Variants in PIK3C2G observed in about 807,000 individuals in gnomAD.
PIK3C2G encodes the protein phosphatidylinositol-4-phosphate 3-kinase catalytic subunit type 2 gamma.
PIK3C2G carries 168 observed loss-of-function variants against 181.1 expected under a neutral mutation model. The observed-to-expected ratio is 0.93, with a 90% CI of 0.82 to 1.05. The LOEUF is 1.05. Among genes scored for constraint, PIK3C2G ranks in the 50% least tolerant of loss-of-function variants. The pLI is 0.00. For synonymous variants in PIK3C2G, 573 were observed against 592.2 expected, an observed-to-expected ratio of 0.97 and a Z score of 0.47; for missense variants, 1,869 against 1,732.8, an observed-to-expected ratio of 1.08 and a Z score of -1.40.
intron 11 of PIK3C2G, among the ~76,000 whole-genome samples, chr12:18,347,827 GA>G (rs78688889): frequency 3.6e-4 from 51 of 143,096 alleles, no homozygotes; most frequent in African/African-American, 9.0e-4. Flanking sequence ...CAAAAAAAAA[GA>G]AAAAAAAAAT....
chr12:18,546,168 G>A (rs1448704928), intron 25 of PIK3C2G, among the ~76,000 whole-genome samples, 155 bp from the exon 26 acceptor site: 4 of 151,928 alleles, frequency 2.6e-5, no homozygotes, highest in Admixed American at 6.6e-5. Flanking sequence ...GATTAAAAAC[G>A]CACGAACTTA....
At chr12:18,454,190 C>G (rs1947510505) in intron 18 of PIK3C2G, among the ~76,000 whole-genome samples, 1 of 152,052 alleles carries the variant, frequency 6.6e-6, no homozygotes, top group Admixed American at 6.6e-5. Flanking sequence ...AAATAAAAAT[C>G]TCAACACCCT....
upstream of PIK3C2G, among the ~76,000 whole-genome samples, chr12:18,259,720 T>A (rs1409513078): frequency 6.6e-6 from 1 of 150,578 alleles, no homozygotes; most frequent in Non-Finnish European, 1.5e-5. Flanking sequence ...AATGTTAACA[T>A]AATAGACAGG....
At chr12:18,683,673 C>T in the PIK3C2G span, 2 of 1,270,922 alleles carry the variant, frequency 1.6e-6, no homozygotes, top group Non-Finnish European at 2.1e-6. Flanking sequence ...TAATTGGGAG[C>T]ACAGTGTAAA....
At chr12:18,464,014 G>A (rs2135947848) in intron 18 of PIK3C2G, among the ~76,000 whole-genome samples, 1 of 152,162 alleles carries the variant, frequency 6.6e-6, no homozygotes, top group East Asian at 1.9e-4. Flanking sequence ...ACACTTCGCT[G>A]TGTACTGAAT....
the PIK3C2G span, among the ~76,000 whole-genome samples, chr12:18,657,625 T>C: frequency 6.6e-6 from 1 of 152,102 alleles, no homozygotes; most frequent in Non-Finnish European, 1.5e-5. Context: ...GATACAACAA[T>C]GAATACATAC....
intron 13 of PIK3C2G, chr12:18,372,640 C>A (rs1229158865): frequency 6.6e-6 from 1 of 152,132 alleles, no homozygotes; most frequent in Non-Finnish European, 1.5e-5. Flanking sequence ...ATATTTCTAG[C>A]TAGTCACTGA....
At chr12:18,383,319 G>T (rs1053215226) in intron 14 of PIK3C2G, among the ~76,000 whole-genome samples, 1 of 152,186 alleles carries the variant, frequency 6.6e-6, no homozygotes, top group African/African-American at 2.4e-5. Flanking sequence ...GCAAAATCCA[G>T]CTGGAGAGAC....
At chr12:18,308,065 A>T (rs980950784) in intron 5 of PIK3C2G, among the ~76,000 whole-genome samples, 2 of 151,884 alleles carry the variant, frequency 1.3e-5, no homozygotes, top group African/African-American at 4.8e-5. Context: ...CCTCATTGCA[A>T]GTGATTAGTA....
At chr12:18,426,128 C>T (rs1266352822) in intron 18 of PIK3C2G, among the ~76,000 whole-genome samples, 2 of 152,090 alleles carry the variant, frequency 1.3e-5, no homozygotes, top group African/African-American at 2.4e-5. Flanking sequence ...TTCATAGATG[C>T]ATCATTTTTG....
At chr12:18,621,130 T>A (rs956373803) in intron 31 of PIK3C2G, among the ~76,000 whole-genome samples, 4 of 151,910 alleles carry the variant, frequency 2.6e-5, no homozygotes, top group African/African-American at 9.7e-5. Context: ...TTGTACAATT[T>A]TTTTCAGCAT....
chr12:18,654,579 G>T, the PIK3C2G span, among the ~76,000 whole-genome samples: 9 of 152,138 alleles, frequency 5.9e-5, no homozygotes, highest in African/African-American at 2.2e-4. Flanking sequence ...TTATTGCCAC[G>T]GGTGTTCCCT....
rs184830066 is a variant in PIK3C2G, at chr12:18,263,121, T to G, written c.-79+1544T>G. On this transcript the variant is annotated intron_variant, in intron 1 of 32. Coordinates refer to ENST00000538779, the MANE Select transcript of PIK3C2G (RefSeq NM_001288772.2). The stretch of plus-strand genomic sequence containing the variant: ...ATAAAATAAGAGTGATGTGTATCTT[T>G]GAATTTCTTATGCAAAAATATGTAT... Among the ~76,000 whole-genome samples, 17 of 152,292 alleles carry G rather than the reference T, an allele frequency of 1.1e-4. No individual in the cohort carries two copies. The East Asian group carries it at 3.3e-3, about 29-fold the overall frequency.
intron 14 of PIK3C2G, among the ~76,000 whole-genome samples, chr12:18,390,831 A>T (rs921438999): frequency 2.6e-5 from 4 of 152,146 alleles, no homozygotes; most frequent in African/African-American, 9.7e-5. Context: ...TAACATATTA[A>T]TCTTTATGGA....
At chr12:18,382,502 C>T (rs370754765) in intron 14 of PIK3C2G, among the ~76,000 whole-genome samples, 10 of 152,152 alleles carry the variant, frequency 6.6e-5, no homozygotes, top group South Asian at 4.2e-4. Flanking sequence ...GTCTCATACA[C>T]GGAAATTCAT....
intron 13 of PIK3C2G, among the ~76,000 whole-genome samples, chr12:18,374,303 A>G (rs1942282032): frequency 6.6e-6 from 1 of 152,174 alleles, no homozygotes; most frequent in Non-Finnish European, 1.5e-5. Context: ...TAATCTCAAA[A>G]CAATTAGATT....
chr12:18,266,036 A>C (rs796363539), intron 1 of PIK3C2G, among the ~76,000 whole-genome samples: 182 of 150,590 alleles, frequency 1.2e-3, no homozygotes, highest in African/African-American at 4.0e-3. Flanking sequence ...AAAAAAAAAA[A>C]AAAAACACTA....
At chr12:18,574,052 A>G (rs531458999) in intron 29 of PIK3C2G, among the ~76,000 whole-genome samples, 1 of 152,326 alleles carries the variant, frequency 6.6e-6, no homozygotes, top group African/African-American at 2.4e-5. Flanking sequence ...GAATGCTAAA[A>G]GGAGCTCTAA....
At chr12:18,705,448 A>C in the PIK3C2G span, 1 of 1,079,554 alleles carries the variant, frequency 9.3e-7, no homozygotes, top group East Asian at 2.5e-5. Flanking sequence ...CTATTCTTTA[A>C]ACTGAAAGTA....
Sources: gnomAD v4.1 joint callset for allele counts (sites outside exome capture counted in the v4.1 genomes callset) on GRCh38, gnomAD v4.1.1 for gene constraint, MANE v1.5 for transcripts, NCBI Gene and HGNC (gene_info 2026-07-23, HGNC 2026-07-21) for gene names.